LDB2: variants seen among roughly 807,000 people sequenced by gnomAD.
LDB2 encodes LIM domain-binding protein 2.
A neutral mutation model predicts 44.3 loss-of-function variants in LDB2; 12 were observed. That is an observed-to-expected ratio of 0.27 (90% CI 0.17 to 0.44). LDB2 has a LOEUF of 0.44. Ranked by LOEUF, LDB2 falls within the 20% of genes least tolerant of loss-of-function variation. The pLI, the probability that LDB2 is intolerant of heterozygous loss-of-function variation, is 1.00. For missense variants in LDB2, 344 were observed against 473.5 expected, an observed-to-expected ratio of 0.73 and a Z score of 2.54; for synonymous variants, 164 against 174.8, an observed-to-expected ratio of 0.94 and a Z score of 0.49.
At chr4:16,772,534 A>G (rs1007421944) in intron 1 of LDB2, among the ~76,000 whole-genome samples, 4 of 152,226 alleles carry the variant, frequency 2.6e-5, no homozygotes, top group Admixed American at 6.5e-5. Flanking sequence ...GAGTACCAGG[A>G]ACTTTCCAGA....
At chr4:16,539,740 GACA>G (rs1733108870) in intron 5 of LDB2, among the ~76,000 whole-genome samples, 1 of 152,012 alleles carries the variant, frequency 6.6e-6, no homozygotes, top group South Asian at 2.1e-4. Context: ...TATCTAGTAA[GACA>G]AAATTAATCA....
chr4:16,787,374 A>G (rs559208332), intron 1 of LDB2, among the ~76,000 whole-genome samples: 6 of 152,304 alleles, frequency 3.9e-5, no homozygotes, highest in African/African-American at 1.4e-4. Context: ...GCATTTTGGG[A>G]GGCCAAGGTG....
intron 3 of LDB2, among the ~76,000 whole-genome samples, chr4:16,594,856 C>A (rs1352554212): frequency 6.6e-6 from 1 of 152,128 alleles, no homozygotes; most frequent in Admixed American, 6.5e-5. Flanking sequence ...GAGTCTTAGT[C>A]AAAATGCAGT....
intron 2 of LDB2, among the ~76,000 whole-genome samples, chr4:16,619,754 A>G (rs530296532): frequency 6.6e-6 from 1 of 150,654 alleles, no homozygotes; most frequent in South Asian, 2.1e-4. Flanking sequence ...TATTACCCCT[A>G]GAACTCCCTT....
chr4:16,540,979 A>G (rs915471675), intron 5 of LDB2, among the ~76,000 whole-genome samples: 4 of 152,212 alleles, frequency 2.6e-5, no homozygotes, highest in South Asian at 2.1e-4. Context: ...AGTGATGTCT[A>G]CCAAATTAGT....
intron 2 of LDB2, among the ~76,000 whole-genome samples, chr4:16,614,592 A>C (rs150310878): frequency 0.33 from 48,215 of 147,056 alleles, 7,587 homozygotes; most frequent in East Asian, 0.56. Context: ...AAAAAAAAAA[A>C]AAAAAAAAAC....
rs190489474 is a variant in LDB2 at position 16,666,035 on chromosome 4, C to G, written c.236-70160G>C. 3.3e-4 allele frequency among the ~76,000 whole-genome samples: 50 copies of G among 152,282 alleles called. No individual in the cohort carries two copies. The Middle Eastern group carries it at 0.01, about 31-fold the overall frequency. On this transcript the variant is annotated intron_variant, in intron 2 of 7. Coordinates refer to ENST00000304523, the MANE Select transcript of LDB2 (RefSeq NM_001290.5). ...CCTCAGAAAGAAACAACCAACGCTG[C>G]CGACACCTTGATTTTAGTCTTCTGG... is the stretch of plus-strand genomic sequence containing the variant.
Position 16,759,224 on chromosome 4 carries a change from C to A in LDB2, c.169G>T (p.Glu57Ter). 6.2e-7 allele frequency: 1 copy of A among 1,614,038 alleles called. No homozygotes were observed. Among genetic ancestry groups the A allele is most frequent in the Non-Finnish European group, 8.5e-7 (1 of 1,179,944 alleles). The change falls in exon 2 of 8, where the codon GAA becomes TAA. Residue 57 changes from glutamate to a stop codon, truncating the protein, a stop_gained. Transcript: ENST00000304523. LOFTEE classifies it high-confidence loss of function. ...AATGTGGCGTCATCTTCAAAAAATTCAGTGGCAAAGGCGTCCCACCAGAGG... is the reference window on the plus strand; with the variant it reads ...AATGTGGCGTCATCTTCAAAAAATTAAGTGGCAAAGGCGTCCCACCAGAGG... ...DNLWWDAFAT[E>*]FFEDDATLTL...
chr4:16,632,871 C>T (rs1732407514), intron 2 of LDB2, among the ~76,000 whole-genome samples: 1 of 152,168 alleles, frequency 6.6e-6, no homozygotes, highest in Admixed American at 6.5e-5. Context: ...TTGTGGAAGA[C>T]AGTGTGGCAA....
chr4:16,720,387 G>T (rs551778932), intron 2 of LDB2, among the ~76,000 whole-genome samples: 1 of 152,074 alleles, frequency 6.6e-6, no homozygotes, highest in East Asian at 1.9e-4. Flanking sequence ...GTTCCAGCTC[G>T]CTCATCTCCA....
At chr4:16,740,249 C>G (rs576883) in intron 2 of LDB2, among the ~76,000 whole-genome samples, 77,689 of 151,984 alleles carry the variant, frequency 0.51, 20,110 homozygotes, top group East Asian at 0.78. Context: ...AATGCTAAGA[C>G]ACAGTTTCCA....
chr4:16,606,618 A>C (rs1724006901), intron 2 of LDB2, among the ~76,000 whole-genome samples: 1 of 152,328 alleles, frequency 6.6e-6, no homozygotes. Flanking sequence ...CATCCAGCTC[A>C]TGTGGTTATT....
chr4:16,653,909 T>C (rs1489153119), intron 2 of LDB2: 1 of 152,108 alleles, frequency 6.6e-6, no homozygotes, highest in East Asian at 1.9e-4. Flanking sequence ...TTGATTGGGG[T>C]AACAAATTTG....
intron 1 of LDB2, among the ~76,000 whole-genome samples, chr4:16,878,029 T>C (rs970835167): frequency 7.2e-5 from 11 of 151,844 alleles, no homozygotes; most frequent in African/African-American, 2.7e-4. Context: ...ACTAAATCAA[T>C]CTATGATTTA....
intron 5 of LDB2, among the ~76,000 whole-genome samples, chr4:16,562,472 C>T (rs1368704048): frequency 1.1e-4 from 16 of 152,194 alleles, no homozygotes; most frequent in African/African-American, 3.9e-4. Context: ...AAAATGCTCA[C>T]CATCACTGGC....
At chr4:16,778,290 C>T (rs184944664) in intron 1 of LDB2, among the ~76,000 whole-genome samples, 1 of 152,324 alleles carries the variant, frequency 6.6e-6, no homozygotes, top group Admixed American at 6.5e-5. Context: ...CACACACAAT[C>T]ATACGCACAC....
At chr4:16,794,833 G>T (rs1202519797) in intron 1 of LDB2, among the ~76,000 whole-genome samples, 3 of 152,126 alleles carry the variant, frequency 2.0e-5, no homozygotes, top group Non-Finnish European at 4.4e-5. Context: ...TTTAACTTAA[G>T]CATCACCTGC....
intron 2 of LDB2, among the ~76,000 whole-genome samples, chr4:16,717,315 A>G (rs1214948533): frequency 6.6e-6 from 1 of 152,152 alleles, no homozygotes; most frequent in Non-Finnish European, 1.5e-5. Flanking sequence ...TGCAGGTCAG[A>G]AAAAGCAGGC....
chr4:16,579,932 C>A lies in LDB2; in HGVS notation c.615+5990G>T, dbSNP rs1713660500. On this transcript the variant is annotated intron_variant, in intron 5 of 7. Coordinates refer to ENST00000304523, the MANE Select transcript of LDB2 (RefSeq NM_001290.5). The stretch of plus-strand genomic sequence containing the variant: ...TATATGGGACCTGCCAAGAGTTAAT[C>A]CTGAGACTGTGCACAGAACTCCCAG... Among the ~76,000 whole-genome samples, 4 of 152,142 alleles carry A rather than the reference C, an allele frequency of 2.6e-5. 1 individual carries two copies. The South Asian group carries it at 8.3e-4, about 32-fold the overall frequency.
Sources: gnomAD v4.1 joint callset for allele counts (sites outside exome capture counted in the v4.1 genomes callset) on GRCh38, gnomAD v4.1.1 for gene constraint, MANE v1.5 for transcripts, NCBI Gene and HGNC (gene_info 2026-07-23, HGNC 2026-07-21) for gene names.